The following ME2 variants were observed in gnomAD, a reference collection of about 807,000 sequenced individuals.
ME2 encodes the protein NAD-dependent malic enzyme, mitochondrial.
A neutral mutation model predicts 73.7 loss-of-function variants in ME2; 60 were observed. The observed-to-expected ratio is 0.81, with a 90% confidence interval of 0.66 to 1.01. ME2 has a LOEUF of 1.01. Among genes scored for constraint, ME2 ranks in the 50% least tolerant of loss-of-function variants. ME2 has a pLI of 0.00. For synonymous variants in ME2, 199 were observed against 236.9 expected (o/e 0.84, Z 1.47); for missense variants, 594 against 705.5 (o/e 0.84, Z 1.79).
intron 2 of ME2, among the ~76,000 whole-genome samples, chr18:50,904,185 A>T (rs1222728217): frequency 6.6e-6 from 1 of 151,884 alleles, no homozygotes; most frequent in Non-Finnish European, 1.5e-5. Flanking sequence ...TTTTGGTTAC[A>T]ATTTGTGTGG....
chr18:50,929,611 A>G (rs1599117999), intron 12 of ME2, among the ~76,000 whole-genome samples: 1 of 152,252 alleles, frequency 6.6e-6, no homozygotes, highest in East Asian at 1.9e-4. Context: ...GTTAGTTTCC[A>G]ATTGATATAA....
chr18:50,886,334 C>A (rs1363914753), intron 1 of ME2, among the ~76,000 whole-genome samples: 1 of 151,048 alleles, frequency 6.6e-6, no homozygotes, highest in Non-Finnish European at 1.5e-5. Context: ...ACCTTCACCT[C>A]CCAGGTTCAA....
chr18:50,942,837 ATTG>A (rs1456906463), intron 15 of ME2: 2 of 245,016 alleles, frequency 8.2e-6, no homozygotes, highest in East Asian at 7.2e-5. Flanking sequence ...TTCATTTGGA[ATTG>A]TTGAGTTTTT....
chr18:50,939,483 T>C, intron 13 of ME2, 87 bp from the exon 14 acceptor site: 1 of 861,734 alleles, frequency 1.2e-6, no homozygotes, highest in Non-Finnish European at 1.9e-6. Flanking sequence ...TGTGGATGGA[T>C]TACCATTTAT....
In ME2 at chr18:50,898,743, A is replaced by AT. The variant is rs889340550; in HGVS notation, c.108+2815_108+2816insT. Reference sequence around the variant, plus strand: ...CCACCACACCTGGCCAAAATTTCTTACACTTTAAAAGGTGGGACACCATTA... The same window carrying AT: ...CCACCACACCTGGCCAAAATTTCTTATCACTTTAAAAGGTGGGACACCATTA... On this transcript the variant is annotated intron_variant, in intron 2 of 15. Coordinates refer to ENST00000321341, the MANE Select transcript of ME2 (RefSeq NM_002396.5). 1.3e-3 allele frequency among the ~76,000 whole-genome samples: 195 copies of AT among 152,154 alleles called. 2 individuals carry two copies. The highest frequency in any genetic ancestry group is 4.6e-3 in the African/African-American group (190 of 41,538).
intron 2 of ME2, among the ~76,000 whole-genome samples, chr18:50,907,862 A>G (rs538565287): frequency 6.6e-6 from 1 of 152,360 alleles, no homozygotes; most frequent in East Asian, 1.9e-4. Context: ...ACTAGTTTAT[A>G]TTCCCAGCAG....
At chr18:50,916,125 C>A in intron 4 of ME2, 43 bp from the exon 5 acceptor site, 3 of 1,309,862 alleles carry the variant, frequency 2.3e-6, no homozygotes, top group African/African-American at 1.5e-5. Context: ...AACTTAGAAA[C>A]AAAGCTGTTG....
chr18:50,884,045 A>G (rs980016529), intron 1 of ME2, among the ~76,000 whole-genome samples: 3 of 152,122 alleles, frequency 2.0e-5, no homozygotes, highest in African/African-American at 4.8e-5. Context: ...TGTCTCCAGC[A>G]GATATTAAGC....
rs1918227045 is a variant in ME2, at chr18:50,951,580, T to A, written c.*4396T>A. 1.3e-5 allele frequency: 2 copies of A among 150,590 alleles called. No homozygotes were observed. The highest frequency in any genetic ancestry group is 3.0e-5 in the Non-Finnish European group (2 of 67,642). 9.3% of individuals were successfully genotyped at this position (150,590 alleles called of 1,614,324 possible). On this transcript the variant is annotated 3_prime_UTR_variant, in exon 16 of 16. Transcript: ENST00000321341. The stretch of plus-strand genomic sequence containing the variant: ...TTTTTTTTTTAACTTCTTCATACTC[T>A]TAAAAAGCTCCAGAATGGCCAGGCG...
At chr18:50,909,541 C>G (rs1315755406) in intron 3 of ME2, among the ~76,000 whole-genome samples, 1 of 152,080 alleles carries the variant, frequency 6.6e-6, no homozygotes, top group African/African-American at 2.4e-5. Flanking sequence ...AGGGATCGGT[C>G]TGCATATAGA....
chr18:50,906,954 C>T (rs531531327), intron 2 of ME2, among the ~76,000 whole-genome samples: 1 of 152,292 alleles, frequency 6.6e-6, no homozygotes, highest in South Asian at 2.1e-4. Flanking sequence ...CTTTTGAAAG[C>T]TCCAACCCCA....
intron 1 of ME2, among the ~76,000 whole-genome samples, chr18:50,895,387 A>G (rs1167263024): frequency 6.6e-6 from 1 of 152,200 alleles, no homozygotes; most frequent in South Asian, 2.1e-4. Flanking sequence ...TAGATTAAGA[A>G]TCAGGATAGT....
chr18:50,928,665 A>G (rs1917621520), intron 12 of ME2, among the ~76,000 whole-genome samples: 1 of 152,232 alleles, frequency 6.6e-6, no homozygotes, highest in Non-Finnish European at 1.5e-5. Context: ...GCCATAATCC[A>G]GTCAGGATGT....
intron 14 of ME2, chr18:50,939,936 G>A (rs1917908367): frequency 2.3e-6 from 1 of 427,400 alleles, no homozygotes; most frequent in Non-Finnish European, 4.2e-6. Flanking sequence ...TAATGGACAA[G>A]TACTGGTATT....
At chr18:50,891,063 TCA>T (rs1364730061) in intron 1 of ME2, among the ~76,000 whole-genome samples, 1 of 152,096 alleles carries the variant, frequency 6.6e-6, no homozygotes, top group Non-Finnish European at 1.5e-5. Flanking sequence ...CTCAGACAAA[TCA>T]AACAAATATT....
intron 1 of ME2, among the ~76,000 whole-genome samples, chr18:50,879,689 G>A (rs1237873549): frequency 6.6e-6 from 1 of 152,240 alleles, no homozygotes. Context: ...TTCTGTGGCT[G>A]GAAACCCTTT....
At chr18:50,918,702 C>CT (rs34143282) in intron 7 of ME2, among the ~76,000 whole-genome samples, 62,492 of 141,466 alleles carry the variant, frequency 0.44, 13,952 homozygotes, top group Admixed American at 0.54. Context: ...CCACCTTTCT[C>CT]TTTTTTTTTT....
intron 4 of ME2, chr18:50,915,865 ATT>A (rs565288246): frequency 2.2e-3 from 406 of 183,212 alleles, no homozygotes; most frequent in South Asian, 4.2e-3. Context: ...CTTGCTTTAG[ATT>A]TTTTTTTTTT....
In ME2 at chr18:50,949,259, GTC is replaced by G. The variant is rs1568179206; in HGVS notation, c.*2077_*2078del. The G allele has an allele frequency of 2.0e-5, 3 of 152,238 alleles. No homozygotes were observed. Among genetic ancestry groups the G allele is most frequent in the South Asian group, 4.1e-4 (2 of 4,834 alleles). 9.4% of individuals were successfully genotyped at this position (152,238 alleles called of 1,614,324 possible). A position where few individuals can be genotyped will look rare whatever the true frequency, so the allele number is the denominator to read the frequency against. ...ATTGAACAGATTAGTAAAGTCAGAA[GTC>G]TTTTTCATAACATACGGTCACAATT... On this transcript the variant is annotated 3_prime_UTR_variant, in exon 16 of 16. Transcript: ENST00000321341.
Sources: gnomAD v4.1 joint callset for allele counts (sites outside exome capture counted in the v4.1 genomes callset) on GRCh38, gnomAD v4.1.1 for gene constraint, MANE v1.5 for transcripts, NCBI Gene and HGNC (gene_info 2026-07-23, HGNC 2026-07-21) for gene names.